NEGR1: variants seen among roughly 807,000 people sequenced by gnomAD.
NEGR1 encodes the protein IgLON family member 4.
In NEGR1, 10 loss-of-function variants were observed where a neutral mutation model predicts 40.9. The ratio of observed to expected loss-of-function variants is 0.24; its 90% CI spans 0.15 to 0.42. The LOEUF (loss-of-function observed/expected upper bound fraction) is 0.42. NEGR1 is among the 10% of genes least tolerant of loss of function. The pLI is 1.00. For missense variants in NEGR1, 352 were observed against 438.9 expected, an observed-to-expected ratio of 0.80 and a Z score of 1.77; for synonymous variants, 185 against 166.8, an observed-to-expected ratio of 1.11 and a Z score of -0.84.
chr1:72,020,463 G>A (rs1437876764), intron 1 of NEGR1, among the ~76,000 whole-genome samples: 3 of 152,100 alleles, frequency 2.0e-5, no homozygotes, highest in Non-Finnish European at 2.9e-5. Context: ...ATGCTTGCTA[G>A]GTTGGGTCTT....
intron 6 of NEGR1, among the ~76,000 whole-genome samples, chr1:71,574,396 C>T (rs4370723): frequency 0.94 from 142,447 of 152,228 alleles, 67,425 homozygotes; most frequent in East Asian, 1. Context: ...TAATCTCAGA[C>T]GCTTTGCAGT....
intron 1 of NEGR1, among the ~76,000 whole-genome samples, chr1:72,154,259 T>A (rs1651272856): frequency 6.6e-6 from 1 of 151,842 alleles, no homozygotes; most frequent in African/African-American, 2.4e-5. Context: ...GTTCCTGAGA[T>A]GTCAGGAATG....
At position 71,657,174 on chromosome 1, in the gene NEGR1, A is replaced by T. The variant is rs1254887003; in HGVS notation, c.667+40834T>A. Reference sequence around the variant, plus strand: ...ATCACAGTAGTATAAAGAACTAGTGAATTCTTTAAAAGGCAAACAAAACCT... The same window carrying T: ...ATCACAGTAGTATAAAGAACTAGTGTATTCTTTAAAAGGCAAACAAAACCT... On this transcript the variant is annotated intron_variant, in intron 4 of 6. Coordinates refer to ENST00000357731, the MANE Select transcript of NEGR1 (RefSeq NM_173808.3). Among the ~76,000 whole-genome samples, 4 of 152,232 alleles carry T rather than the reference A, an allele frequency of 2.6e-5. No individual in the cohort carries two copies. The East Asian group carries it at 7.7e-4, about 29-fold the overall frequency.
intron 1 of NEGR1, among the ~76,000 whole-genome samples, chr1:72,212,332 GTCTT>G (rs1365707223): frequency 6.6e-6 from 1 of 151,744 alleles, no homozygotes; most frequent in Non-Finnish European, 1.5e-5. Context: ...CATTTTTTCT[GTCTT>G]TCTTATATCC....
rs895592624 is a variant in NEGR1, at chr1:72,240,518, T to G, written c.176+41801A>C. Among the ~76,000 whole-genome samples, 27 of 151,828 alleles carry G rather than the reference T, an allele frequency of 1.8e-4. No homozygotes were observed. The East Asian group carries it at 4.8e-3, about 27-fold the overall frequency. On this transcript the variant is annotated intron_variant, in intron 1 of 6. Coordinates refer to ENST00000357731, the MANE Select transcript of NEGR1 (RefSeq NM_173808.3). ...AGATCCCAAGCATTTCTTCAAAGAA[T>G]TGTAACAGGAGATAAAACTTGGCTA...
intron 2 of NEGR1, among the ~76,000 whole-genome samples, chr1:71,887,278 G>T (rs1051641257): frequency 1.3e-5 from 2 of 152,140 alleles, no homozygotes; most frequent in Admixed American, 1.3e-4. Context: ...CTGTCTTAGC[G>T]GTGGCACAGG....
chr1:72,235,289 T>TGAA (rs1439070161), intron 1 of NEGR1, among the ~76,000 whole-genome samples: 1 of 151,976 alleles, frequency 6.6e-6, no homozygotes, highest in Non-Finnish European at 1.5e-5. Context: ...AGAGCGCTTG[T>TGAA]GAAGAGTGGT....
At chr1:72,046,745 T>G (rs1438158498) in intron 1 of NEGR1, among the ~76,000 whole-genome samples, 1 of 151,562 alleles carries the variant, frequency 6.6e-6, no homozygotes, top group African/African-American at 2.4e-5. Context: ...TACAACAGAA[T>G]AAAAATAGCT....
chr1:72,113,528 G>A (rs562372280), intron 1 of NEGR1, among the ~76,000 whole-genome samples: 1 of 151,684 alleles, frequency 6.6e-6, no homozygotes, highest in Non-Finnish European at 1.5e-5. Context: ...GTGTTTGTGT[G>A]TATGTGTGTG....
At chr1:71,660,277 AG>A (rs1652013108) in intron 4 of NEGR1, among the ~76,000 whole-genome samples, 1 of 152,158 alleles carries the variant, frequency 6.6e-6, no homozygotes, top group Non-Finnish European at 1.5e-5. Flanking sequence ...CTAAATGATA[AG>A]AACTTATGAA....
rs148857669 is a variant in NEGR1 at position 72,016,732 on chromosome 1, C to G, written c.177-81421G>C. 9.4e-3 allele frequency among the ~76,000 whole-genome samples: 1,424 copies of G among 152,268 alleles called. 20 individuals carry two copies. Among genetic ancestry groups the G allele is most frequent in the African/African-American group, 0.033 (1,367 of 41,544 alleles). On this transcript the variant is annotated intron_variant, in intron 1 of 6. Coordinates refer to ENST00000357731, the MANE Select transcript of NEGR1 (RefSeq NM_173808.3). Reference sequence around the variant, plus strand: ...TAGGTTCACTCTAAAAACCCCTGCACTGCTCTTATCTCAGAGGGAAGTTAC... The same window carrying G: ...TAGGTTCACTCTAAAAACCCCTGCAGTGCTCTTATCTCAGAGGGAAGTTAC...
chr1:71,851,503 T>C (rs1484172055), intron 2 of NEGR1, among the ~76,000 whole-genome samples: 1 of 152,200 alleles, frequency 6.6e-6, no homozygotes, highest in Admixed American at 6.6e-5. Flanking sequence ...TTTTAATTCA[T>C]GTATTTCTAA....
rs1646257071 is a variant in NEGR1, at chr1:71,403,204, G to C, written c.*4242C>G. ...AGATCTCATTTGTATATTATGGTTT[G>C]GTATTTACAAACTAAAGGTTCTCAG... On this transcript the variant is annotated 3_prime_UTR_variant, in exon 7 of 7. Transcript: ENST00000357731. 2.0e-5 allele frequency: 3 copies of C among 152,058 alleles called. No individual in the cohort carries two copies. In the South Asian group the frequency reaches 6.2e-4, roughly 32 times the overall value. The allele number at this position is 152,058 out of a possible 1,614,324, so 9.4% of individuals were successfully genotyped here.
intron 1 of NEGR1, among the ~76,000 whole-genome samples, chr1:72,036,773 A>G (rs1274807346): frequency 6.6e-6 from 1 of 152,102 alleles, no homozygotes; most frequent in Non-Finnish European, 1.5e-5. Flanking sequence ...CTTTACATAT[A>G]TATATGAATT....
At chr1:71,781,199 G>A (rs1262683777) in intron 2 of NEGR1, among the ~76,000 whole-genome samples, 1 of 152,084 alleles carries the variant, frequency 6.6e-6, no homozygotes, top group Admixed American at 6.6e-5. Flanking sequence ...CAGCATCACG[G>A]TGACTAATCT....
intron 1 of NEGR1, among the ~76,000 whole-genome samples, chr1:72,035,288 C>A (rs1646892824): frequency 6.6e-6 from 1 of 152,162 alleles, no homozygotes; most frequent in Admixed American, 6.5e-5. Context: ...ACTTTCTGCT[C>A]CTAAACCCAC....
At chr1:72,126,738 A>G (rs751926860) in intron 1 of NEGR1, among the ~76,000 whole-genome samples, 5 of 152,190 alleles carry the variant, frequency 3.3e-5, no homozygotes, top group Non-Finnish European at 7.3e-5. Context: ...TGAGTCAGAC[A>G]CAGAGAACTT....
intron 1 of NEGR1, among the ~76,000 whole-genome samples, chr1:72,120,782 T>C (rs1649772541): frequency 6.6e-6 from 1 of 152,064 alleles, no homozygotes. Context: ...TTTTAAAAGA[T>C]GAAATTGAGG....
At chr1:71,701,498 T>C (rs1653689658) in intron 3 of NEGR1, among the ~76,000 whole-genome samples, 1 of 152,050 alleles carries the variant, frequency 6.6e-6, no homozygotes, top group African/African-American at 2.4e-5. Context: ...CTGACCACTC[T>C]ACTGTTTTCT....
Sources: gnomAD v4.1 joint callset for allele counts (sites outside exome capture counted in the v4.1 genomes callset) on GRCh38, gnomAD v4.1.1 for gene constraint, MANE v1.5 for transcripts, NCBI Gene and HGNC (gene_info 2026-07-23, HGNC 2026-07-21) for gene names.